PTCHD4: variants seen among roughly 807,000 people sequenced by gnomAD.
The protein encoded by PTCHD4 is patched domain-containing protein 4.
PTCHD4 carries 33 observed loss-of-function variants against 58.1 expected under a neutral mutation model. That is an observed-to-expected ratio of 0.57 (90% CI 0.43 to 0.76). The LOEUF is 0.76. PTCHD4 is among the 30% of genes least tolerant of loss of function. PTCHD4 has a pLI of 0.00. For synonymous variants in PTCHD4, 478 were observed against 409.6 expected, an observed-to-expected ratio of 1.17 and a Z score of -2.02; for missense variants, 1,058 against 1,027.1, an observed-to-expected ratio of 1.03 and a Z score of -0.41.
chr6:48,028,351 G>C (rs1763322544), intron 3 of PTCHD4, among the ~76,000 whole-genome samples: 1 of 152,038 alleles, frequency 6.6e-6, no homozygotes, highest in East Asian at 1.9e-4. Flanking sequence ...AGAATGACTG[G>C]TTGTTCAAGA....
chr6:48,023,192 T>C lies in PTCHD4; in HGVS notation c.418-14078A>G, dbSNP rs536864284. ...TACGTGTGTTTTTAGTTTTATACTT[T>C]TGTGAGATTTTTAAATTAATAATGT... On this transcript the variant is annotated intron_variant, in intron 3 of 4. Transcript: ENST00000339488. 6.6e-5 allele frequency among the ~76,000 whole-genome samples: 10 copies of C among 152,314 alleles called. No individual in the cohort carries two copies. In the South Asian group the frequency reaches 2.1e-3, roughly 32 times the overall value.
intron 3 of PTCHD4, among the ~76,000 whole-genome samples, chr6:48,041,047 A>T (rs1763829066): frequency 6.6e-6 from 1 of 152,094 alleles, no homozygotes; most frequent in Non-Finnish European, 1.5e-5. Flanking sequence ...TTTTAACTAA[A>T]ATCCAAATAT....
chr6:48,058,164 A>G (rs1436788138), intron 3 of PTCHD4, among the ~76,000 whole-genome samples: 1 of 152,234 alleles, frequency 6.6e-6, no homozygotes, highest in African/African-American at 2.4e-5. Context: ...TTAAAGCTCC[A>G]CTAATGATTT....
At chr6:48,016,505 CAG>C (rs1762873323) in intron 3 of PTCHD4, among the ~76,000 whole-genome samples, 1 of 151,938 alleles carries the variant, frequency 6.6e-6, no homozygotes, top group Non-Finnish European at 1.5e-5. Flanking sequence ...AAGAAAATGT[CAG>C]CTGAGGCAGT....
chr6:48,067,839 T>C (rs1019925085), intron 3 of PTCHD4, among the ~76,000 whole-genome samples: 3 of 152,100 alleles, frequency 2.0e-5, no homozygotes, highest in Admixed American at 6.5e-5. Flanking sequence ...TTTTTATTTT[T>C]GGTATTTGTT....
chr6:47,872,899 T>C lies in PTCHD4; in HGVS notation c.*5404A>G, dbSNP rs910696766. Among the ~76,000 whole-genome samples, 7 of 151,640 alleles carry C rather than the reference T, an allele frequency of 4.6e-5. No homozygotes were observed. Among genetic ancestry groups the C allele is most frequent in the Admixed American group, 4.0e-4 (6 of 15,174 alleles). ...TTTTCCGTTTTATAAGAAAAGCAAG[T>C]GGCTTCTCTATCAGCAATAGAGAGT... is the stretch of plus-strand genomic sequence containing the variant. On this transcript the variant is annotated 3_prime_UTR_variant, in exon 5 of 5. Coordinates refer to ENST00000339488, the MANE Select transcript of PTCHD4 (RefSeq NM_001384253.1).
At chr6:47,954,251 G>A (rs552833452) in intron 4 of PTCHD4, among the ~76,000 whole-genome samples, 1 of 152,262 alleles carries the variant, frequency 6.6e-6, no homozygotes, top group East Asian at 1.9e-4. Flanking sequence ...CAGCTACTCT[G>A]GAGGCTGAGG....
Position 48,024,036 on chromosome 6 carries a change from G to C in PTCHD4, c.418-14922C>G, listed in dbSNP as rs149998894. ...TGCTGTGACCTTGCAAAATTACTTA[G>C]AGTCTCTAAGTGTCTTTCTTCAGCT... On this transcript the variant is annotated intron_variant, in intron 3 of 4. Coordinates refer to ENST00000339488, the MANE Select transcript of PTCHD4 (RefSeq NM_001384253.1). Among the ~76,000 whole-genome samples, 1,131 of 152,224 alleles carry C rather than the reference G, an allele frequency of 7.4e-3. 11 individuals are homozygous for C. The highest frequency in any genetic ancestry group is 0.024 in the African/African-American group (1,012 of 41,534).
chr6:47,921,473 A>T (rs752842954), intron 4 of PTCHD4, among the ~76,000 whole-genome samples: 1 of 152,182 alleles, frequency 6.6e-6, no homozygotes, highest in Non-Finnish European at 1.5e-5. Flanking sequence ...GCTGTGCTTA[A>T]GGCCACTTGA....
At chr6:48,041,435 T>G (rs1763844688) in intron 3 of PTCHD4, among the ~76,000 whole-genome samples, 1 of 152,092 alleles carries the variant, frequency 6.6e-6, no homozygotes. Flanking sequence ...CCATTGACTC[T>G]GTGGACTATG....
At chr6:48,074,661 CAG>C (rs1202900878) in intron 1 of PTCHD4, among the ~76,000 whole-genome samples, 11 of 151,992 alleles carry the variant, frequency 7.2e-5, no homozygotes, top group African/African-American at 2.7e-4. Flanking sequence ...GGAGTTTATG[CAG>C]AGTTTGTTTT....
intron 4 of PTCHD4, among the ~76,000 whole-genome samples, chr6:48,006,493 C>T (rs1762442470): frequency 6.6e-6 from 1 of 152,146 alleles, no homozygotes; most frequent in African/African-American, 2.4e-5. Context: ...AATTTGTTAA[C>T]CTCCAATGAA....
chr6:47,952,707 C>T (rs551566262), intron 4 of PTCHD4, among the ~76,000 whole-genome samples: 15 of 152,066 alleles, frequency 9.9e-5, no homozygotes, highest in African/African-American at 2.2e-4. Context: ...ACATTTTGTA[C>T]GGATTTGTAG....
intron 4 of PTCHD4, among the ~76,000 whole-genome samples, chr6:47,953,859 T>C (rs1246266856): frequency 6.6e-6 from 1 of 152,246 alleles, no homozygotes; most frequent in Non-Finnish European, 1.5e-5. Flanking sequence ...GAACAAATGC[T>C]ACATCTCATA....
chr6:48,006,156 C>T (rs1258291404), intron 4 of PTCHD4, among the ~76,000 whole-genome samples: 1 of 152,126 alleles, frequency 6.6e-6, no homozygotes, highest in African/African-American at 2.4e-5. Context: ...TTCAGAGGGA[C>T]CATTAAGCAG....
chr6:48,008,503 A>G (rs1562003667), intron 4 of PTCHD4, 131 bp downstream of exon 4: 8 of 1,065,674 alleles, frequency 7.5e-6, no homozygotes, highest in Admixed American at 5.8e-5. Flanking sequence ...CACAACCCCA[A>G]GTAAAATTTT....
At chr6:48,024,133 C>T (rs1182546615) in intron 3 of PTCHD4, among the ~76,000 whole-genome samples, 1 of 152,110 alleles carries the variant, frequency 6.6e-6, no homozygotes, top group East Asian at 1.9e-4. Flanking sequence ...TGAGAGATAG[C>T]ACCCTGTCTG....
intron 4 of PTCHD4, among the ~76,000 whole-genome samples, chr6:47,964,469 A>G (rs79165824): frequency 0.15 from 22,935 of 152,070 alleles, 2,424 homozygotes; most frequent in African/African-American, 0.3. Context: ...CTATTTATTG[A>G]CCAGAACCTC....
intron 3 of PTCHD4, among the ~76,000 whole-genome samples, chr6:48,027,973 G>T (rs2814488): frequency 1.3e-5 from 2 of 151,788 alleles, no homozygotes; most frequent in Non-Finnish European, 2.9e-5. Context: ...AGACAGTCTC[G>T]CTCTATTGCT....
Sources: allele counts gnomAD v4.1 joint callset (sites outside exome capture counted in the v4.1 genomes callset), GRCh38; gene constraint gnomAD v4.1.1; transcripts MANE v1.5; gene names NCBI Gene and HGNC (gene_info 2026-07-23, HGNC 2026-07-21).